The following PALM2AKAP2 variants were observed in gnomAD, a reference collection of about 807,000 sequenced individuals.
The protein encoded by PALM2AKAP2 is PALM2 and AKAP2 fusion, also known as PALM2-AKAP2 fusion protein.
PALM2AKAP2 carries 37 observed loss-of-function variants against 71.5 expected under a neutral mutation model. That is an observed-to-expected ratio of 0.52 (90% CI 0.40 to 0.68). The LOEUF (loss-of-function observed/expected upper bound fraction) is 0.68. PALM2AKAP2 is among the 30% of genes least tolerant of loss of function. The pLI is 0.00. For synonymous variants in PALM2AKAP2, 468 were observed against 478.8 expected (o/e 0.98, Z 0.29); for missense variants, 1,224 against 1,191.8 (o/e 1.03, Z -0.40).
upstream of PALM2AKAP2, among the ~76,000 whole-genome samples, chr9:110,047,924 C>G (rs558037861): frequency 4.6e-5 from 7 of 152,304 alleles, no homozygotes; most frequent in Admixed American, 4.6e-4. Flanking sequence ...GGCTGGCCAC[C>G]CGCCTAATAC....
intron 1 of PALM2AKAP2, among the ~76,000 whole-genome samples, chr9:110,078,335 G>A (rs777444318): frequency 8.5e-5 from 13 of 152,184 alleles, no homozygotes; most frequent in Non-Finnish European, 1.8e-4. Context: ...AGAACCTTGA[G>A]TCTGGCATGT....
At chr9:110,032,559 C>T (rs1420602896) in intron 7 of PALM2AKAP2, among the ~76,000 whole-genome samples, 2 of 151,844 alleles carry the variant, frequency 1.3e-5, no homozygotes, top group Non-Finnish European at 1.5e-5. Context: ...GGCATGGTGG[C>T]GCGTGCCTGT....
intron 1 of PALM2AKAP2, among the ~76,000 whole-genome samples, chr9:109,749,345 A>T (rs918903818): frequency 3.9e-5 from 6 of 152,108 alleles, no homozygotes; most frequent in Admixed American, 2.6e-4. Context: ...TCCTGGGCCT[A>T]GGCAAGTCCC....
chr9:109,649,615 G>A (rs1827198962), intron 1 of PALM2AKAP2, among the ~76,000 whole-genome samples: 1 of 152,060 alleles, frequency 6.6e-6, no homozygotes. Context: ...CCATTTGCTG[G>A]TAACTCATTT....
intron 1 of PALM2AKAP2, among the ~76,000 whole-genome samples, chr9:109,665,265 G>A (rs772193398): frequency 1.3e-5 from 2 of 152,124 alleles, no homozygotes; most frequent in Non-Finnish European, 1.5e-5. Context: ...GAGAAGAGGC[G>A]TTCTGATTTT....
intron 1 of PALM2AKAP2, among the ~76,000 whole-genome samples, chr9:110,131,488 C>T (rs1008753484): frequency 6.6e-6 from 1 of 152,166 alleles, no homozygotes; most frequent in African/African-American, 2.4e-5. Context: ...AATTCTGGAC[C>T]TTCTTATCTT....
intron 1 of PALM2AKAP2, among the ~76,000 whole-genome samples, chr9:109,783,805 G>A (rs575534979): frequency 9.2e-5 from 14 of 152,344 alleles, no homozygotes; most frequent in South Asian, 4.1e-4. Context: ...TCAGCTGCCT[G>A]AGGCTGAAAC....
chr9:109,851,054 G>A (rs1828997537), intron 1 of PALM2AKAP2, among the ~76,000 whole-genome samples: 1 of 152,120 alleles, frequency 6.6e-6, no homozygotes, highest in South Asian at 2.1e-4. Context: ...GCGGGCACCT[G>A]TAGTCCCAGC....
intron 1 of PALM2AKAP2, among the ~76,000 whole-genome samples, chr9:110,103,104 C>A (rs1484436836): frequency 6.6e-6 from 1 of 152,168 alleles, no homozygotes; most frequent in East Asian, 1.9e-4. Context: ...CTCATGGAAA[C>A]CTCCCCTGAC....
At chr9:109,822,296 C>CATCCATCCATCCATCT (rs1828031026) in intron 1 of PALM2AKAP2, among the ~76,000 whole-genome samples, 1 of 152,044 alleles carries the variant, frequency 6.6e-6, no homozygotes, top group Non-Finnish European at 1.5e-5. Flanking sequence ...TCCATCCATC[C>CATCCATCCATCCATCT]ATCCATCCAT....
At chr9:109,903,455 G>C in intron 3 of PALM2AKAP2, among the ~76,000 whole-genome samples, 1 of 152,134 alleles carries the variant, frequency 6.6e-6, no homozygotes, top group East Asian at 1.9e-4. Flanking sequence ...ACTTCTAGAA[G>C]GCCCGAATCC....
intron 1 of PALM2AKAP2, among the ~76,000 whole-genome samples, chr9:110,081,418 G>C (rs1249362194): frequency 6.6e-6 from 1 of 152,174 alleles, no homozygotes; most frequent in Non-Finnish European, 1.5e-5. Context: ...TAGAATTGTG[G>C]CTTGCATGTT....
At chr9:109,821,453 C>G (rs879552490) in intron 1 of PALM2AKAP2, among the ~76,000 whole-genome samples, 4 of 152,152 alleles carry the variant, frequency 2.6e-5, no homozygotes, top group South Asian at 4.1e-4. Flanking sequence ...GCCTTTGTAA[C>G]TGAGCTACTG....
At chr9:109,935,622 G>A (rs1831201689) in intron 6 of PALM2AKAP2, among the ~76,000 whole-genome samples, 1 of 152,170 alleles carries the variant, frequency 6.6e-6, no homozygotes, top group South Asian at 2.1e-4. Context: ...AGTCATCTCT[G>A]GTCTTTGAAG....
At chr9:109,900,390 A>C (rs1473007455) in intron 3 of PALM2AKAP2, among the ~76,000 whole-genome samples, 1 of 152,214 alleles carries the variant, frequency 6.6e-6, no homozygotes, top group Non-Finnish European at 1.5e-5. Flanking sequence ...TACAGAAAAT[A>C]AGTAAAATCA....
chr9:109,911,346 C>G (rs58026571), intron 3 of PALM2AKAP2, among the ~76,000 whole-genome samples: 41 of 152,258 alleles, frequency 2.7e-4, no homozygotes, highest in African/African-American at 8.9e-4. Context: ...AAATGATTTC[C>G]TACACGGAAA....
chr9:109,669,815 TTTG>T (rs1183150810), intron 1 of PALM2AKAP2, among the ~76,000 whole-genome samples: 2 of 152,162 alleles, frequency 1.3e-5, no homozygotes, highest in African/African-American at 4.8e-5. Context: ...TGATATTTGT[TTTG>T]TTTCTTTTCT....
At chr9:110,042,168 TG>T (rs1470551509) in intron 7 of PALM2AKAP2, among the ~76,000 whole-genome samples, 1 of 152,244 alleles carries the variant, frequency 6.6e-6, no homozygotes, top group Non-Finnish European at 1.5e-5. Flanking sequence ...GGCTCAGGCC[TG>T]TAATCTCAGC....
intron 6 of PALM2AKAP2, among the ~76,000 whole-genome samples, chr9:109,955,958 A>G (rs2132098117): frequency 6.6e-6 from 1 of 152,096 alleles, no homozygotes; most frequent in East Asian, 1.9e-4. Context: ...AAAACAAAAC[A>G]AAACAAAAAA....
Sources: gnomAD v4.1 joint callset for allele counts (sites outside exome capture counted in the v4.1 genomes callset) on GRCh38, gnomAD v4.1.1 for gene constraint, MANE v1.5 for transcripts, NCBI Gene and HGNC (gene_info 2026-07-23, HGNC 2026-07-21) for gene names.